RIPOR2: variants seen among roughly 807,000 people sequenced by gnomAD.
RIPOR2 encodes the protein rho family-interacting cell polarization regulator 2.
Under a neutral mutation model 114.5 loss-of-function variants are expected in RIPOR2, and 39 were observed. That is an observed-to-expected ratio of 0.34 (90% confidence interval 0.26 to 0.44). The LOEUF (loss-of-function observed/expected upper bound fraction) is 0.44, where lower values mean the gene tolerates loss of function less well. Ranked by LOEUF, RIPOR2 falls within the 20% of genes least tolerant of loss-of-function variation. The pLI, the probability that RIPOR2 is intolerant of heterozygous loss-of-function variation, is 1.00. For synonymous variants in RIPOR2, 445 were observed against 484.4 expected (o/e 0.92, Z 1.07); for missense variants, 1,007 against 1,255.1 (o/e 0.80, Z 2.99).
At chr6:24,941,219 C>T (rs376059565) in intron 1 of RIPOR2, among the ~76,000 whole-genome samples, 2 of 152,038 alleles carry the variant, frequency 1.3e-5, no homozygotes, top group Non-Finnish European at 2.9e-5. Context: ...GGTAATTGCC[C>T]GCTGAGGGAA....
chr6:24,851,985 C>T (rs1762986259), intron 9 of RIPOR2, among the ~76,000 whole-genome samples: 1 of 145,426 alleles, frequency 6.9e-6, no homozygotes, highest in East Asian at 2.1e-4. Context: ...GATGTGGTGG[C>T]TCACACCTGT....
At chr6:24,977,834 G>A (rs181544672) in intron 1 of RIPOR2, among the ~76,000 whole-genome samples, 1 of 152,308 alleles carries the variant, frequency 6.6e-6, no homozygotes, top group East Asian at 1.9e-4. Context: ...GAAGGGCAGA[G>A]GAAGCTTCCC....
chr6:24,826,787 A>T (rs1447403891), intron 18 of RIPOR2, among the ~76,000 whole-genome samples: 1 of 152,222 alleles, frequency 6.6e-6, no homozygotes, highest in Non-Finnish European at 1.5e-5. Flanking sequence ...ATACTCTATA[A>T]GGCATAATTA....
rs377282601 is a variant in RIPOR2, at chr6:24,996,077, T to C, written c.76+45774A>G. On this transcript the variant is annotated intron_variant, in intron 1 of 13. Coordinates refer to the RIPOR2 transcript ENST00000510784. ...TCGGCCTCCCAAAGTGCTGGGATTATAGGCGTGAGCCACCACGCCTGGCCT... is the reference window on the plus strand; with the variant it reads ...TCGGCCTCCCAAAGTGCTGGGATTACAGGCGTGAGCCACCACGCCTGGCCT... Among the ~76,000 whole-genome samples, 25 of 152,328 alleles carry C rather than the reference T, an allele frequency of 1.6e-4. No homozygotes were observed. In the East Asian group the frequency reaches 4.1e-3, roughly 25 times the overall value.
At chr6:24,989,761 C>T (rs1282072996) in intron 1 of RIPOR2, among the ~76,000 whole-genome samples, 1 of 151,820 alleles carries the variant, frequency 6.6e-6, no homozygotes, top group African/African-American at 2.4e-5. Flanking sequence ...ATTTAATACC[C>T]TGGCTGGGCG....
At chr6:24,927,744 A>G (rs1771065709) in intron 1 of RIPOR2, among the ~76,000 whole-genome samples, 1 of 152,186 alleles carries the variant, frequency 6.6e-6, no homozygotes, top group African/African-American at 2.4e-5. Context: ...TTCACTGGAA[A>G]AAGGGAATTG....
chr6:25,018,818 T>C (rs1327275834), intron 1 of RIPOR2, among the ~76,000 whole-genome samples: 3 of 152,186 alleles, frequency 2.0e-5, no homozygotes, highest in African/African-American at 4.8e-5. Flanking sequence ...GATTTGTGGG[T>C]AGAGGTAATG....
At chr6:25,015,887 G>T (rs1775951075) in intron 1 of RIPOR2, 1 of 56,678 alleles carries the variant, frequency 1.8e-5, no homozygotes, top group Non-Finnish European at 2.8e-5. Flanking sequence ...TAAAAACGCA[G>T]GTTTTTTGGT....
At chr6:24,842,635 G>A (rs2113729875) in intron 13 of RIPOR2, among the ~76,000 whole-genome samples, 1 of 152,266 alleles carries the variant, frequency 6.6e-6, no homozygotes, top group Admixed American at 6.5e-5. Context: ...ACATTCTCTA[G>A]AGCTCTTTGT....
chr6:24,861,121 C>A (rs1581630778), intron 7 of RIPOR2, 85 bp from the exon 8 acceptor site: 5 of 818,930 alleles, frequency 6.1e-6, no homozygotes, highest in African/African-American at 1.7e-5. Context: ...GCAGCACAAC[C>A]ACTGCGTGAA....
rs542511105 is a variant in RIPOR2, at chr6:24,899,816, C to A, written c.62-23999G>T. 1.1e-3 allele frequency among the ~76,000 whole-genome samples: 165 copies of A among 152,190 alleles called. 1 individual carries two copies. The highest frequency in any genetic ancestry group is 1.8e-3 in the Non-Finnish European group (125 of 68,010). On this transcript the variant is annotated intron_variant, in intron 1 of 21. Coordinates refer to ENST00000643898, the MANE Select transcript of RIPOR2 (RefSeq NM_001286445.3). Reference sequence around the variant, plus strand: ...TGTGGGGTTGTTCAGATCTCTGAGGCGTCAATCGTTTGCAAGAGGAAGGAG... The same window carrying A: ...TGTGGGGTTGTTCAGATCTCTGAGGAGTCAATCGTTTGCAAGAGGAAGGAG...
chr6:24,850,805 C>G, intron 9 of RIPOR2, 83 bp from the exon 10 acceptor site: 1 of 1,468,798 alleles, frequency 6.8e-7, no homozygotes, highest in Non-Finnish European at 9.5e-7. Context: ...GGAGAAAGAC[C>G]TAAAGCCACT....
chr6:24,972,972 G>T (rs891109373), intron 1 of RIPOR2, among the ~76,000 whole-genome samples: 4 of 152,164 alleles, frequency 2.6e-5, no homozygotes, highest in Non-Finnish European at 4.4e-5. Context: ...CTGGAGATGG[G>T]CTTGCTCCAC....
intron 1 of RIPOR2, among the ~76,000 whole-genome samples, chr6:25,039,631 TA>T (rs1430821224): frequency 6.6e-6 from 1 of 152,218 alleles, no homozygotes; most frequent in Non-Finnish European, 1.5e-5. Flanking sequence ...ACTCTTATTT[TA>T]AGAGTATAGG....
At position 24,954,456 on chromosome 6, in the gene RIPOR2, C is replaced by CT. The variant is rs10667748; in HGVS notation, c.77-78640dup. ...ACTGTGCAGGCCCAGTCTCTCTCTC[C>CT]TTTTTTTTTTTTTTTTTGAGACAGG... On this transcript the variant is annotated intron_variant, in intron 1 of 13. Transcript: ENST00000510784. Among the ~76,000 whole-genome samples, 53 of 132,392 alleles carry CT rather than the reference C, an allele frequency of 4.0e-4. 2 individuals are homozygous for CT. Among genetic ancestry groups the CT allele is most frequent in the African/African-American group, 6.4e-4 (23 of 35,746 alleles). 86.9% of individuals were successfully genotyped at this position (132,392 alleles called of 152,430 possible).
At chr6:24,990,712 A>AG (rs869167272) in intron 1 of RIPOR2, among the ~76,000 whole-genome samples, 17 of 194 alleles carry the variant, frequency 0.088, no homozygotes, top group Admixed American at 0.38. Flanking sequence ...CTGTAGAAGG[A>AG]AAAAAGAAAT....
chr6:24,857,303 G>C (rs1209474502), intron 8 of RIPOR2, among the ~76,000 whole-genome samples: 1 of 152,174 alleles, frequency 6.6e-6, no homozygotes, highest in Non-Finnish European at 1.5e-5. Context: ...GTGATTACCA[G>C]TGCATGATCT....
chr6:25,006,625 G>A (rs1334399737), intron 1 of RIPOR2, among the ~76,000 whole-genome samples: 1 of 152,196 alleles, frequency 6.6e-6, no homozygotes, highest in Non-Finnish European at 1.5e-5. Flanking sequence ...GCACAGGTGA[G>A]TCACTGAGCT....
chr6:24,958,443 A>C (rs622893), intron 1 of RIPOR2, among the ~76,000 whole-genome samples: 120,659 of 151,980 alleles, frequency 0.79, 51,487 homozygotes, highest in East Asian at 0.95. Flanking sequence ...AAATAAACAC[A>C]TTTCTATTTC....
Sources: allele counts gnomAD v4.1 joint callset (sites outside exome capture counted in the v4.1 genomes callset), GRCh38; gene constraint gnomAD v4.1.1; transcripts MANE v1.5; gene names NCBI Gene and HGNC (gene_info 2026-07-23, HGNC 2026-07-21).